IMMP2L: variants seen among roughly 807,000 people sequenced by gnomAD.
IMMP2L encodes mitochondrial inner membrane protease subunit 2.
IMMP2L carries 18 observed loss-of-function variants against 19.3 expected under a neutral mutation model. The observed-to-expected ratio is 0.93, with a 90% CI of 0.64 to 1.38. The LOEUF is 1.38. Ranked by LOEUF, IMMP2L falls within the 40% of genes most tolerant of loss-of-function variation. The pLI is 0.00. For synonymous variants in IMMP2L, 76 were observed against 73.0 expected, an observed-to-expected ratio of 1.04 and a Z score of -0.21; for missense variants, 233 against 218.2, an observed-to-expected ratio of 1.07 and a Z score of -0.43.
At chr7:110,875,650 T>G (rs1253221380) in intron 5 of IMMP2L, among the ~76,000 whole-genome samples, 1 of 152,000 alleles carries the variant, frequency 6.6e-6, no homozygotes, top group Admixed American at 6.6e-5. Flanking sequence ...GCAGACAGAG[T>G]TTAAAGCTTC....
intron 2 of IMMP2L, among the ~76,000 whole-genome samples, chr7:111,500,738 T>A (rs1844134261): frequency 6.6e-6 from 1 of 151,976 alleles, no homozygotes; most frequent in Admixed American, 6.6e-5. Context: ...TCTAGCAAAC[T>A]CCAACAGACC....
chr7:111,324,091 T>A (rs1439314306), intron 3 of IMMP2L, among the ~76,000 whole-genome samples: 4 of 152,158 alleles, frequency 2.6e-5, no homozygotes, highest in Admixed American at 6.6e-5. Flanking sequence ...TGTATACATA[T>A]GTAATTAACC....
intron 3 of IMMP2L, among the ~76,000 whole-genome samples, chr7:111,004,445 A>T (rs545789081): frequency 6.6e-6 from 1 of 152,282 alleles, no homozygotes; most frequent in Admixed American, 6.5e-5. Flanking sequence ...GATTAAAGGC[A>T]TGAAACAACA....
At chr7:111,180,906 T>A (rs1330106271) in intron 3 of IMMP2L, among the ~76,000 whole-genome samples, 1 of 151,994 alleles carries the variant, frequency 6.6e-6, no homozygotes, top group African/African-American at 2.4e-5. Flanking sequence ...TTAAAGTAAA[T>A]CTAGCAATAT....
In IMMP2L at chr7:111,213,970, T is replaced by C. The variant is rs1212626613; in HGVS notation, c.240-250405A>G. On this transcript the variant is annotated intron_variant, in intron 3 of 5. Transcript: ENST00000405709. This position sits in a 1 kb window ranked among gnomAD's most constrained non-coding sequence, Gnocchi z 4.8. ...AAGTCACATGAATAGTGAAGAGCTATAAGTATTCATACATTTCTAATGTAA... is the reference window on the plus strand; with the variant it reads ...AAGTCACATGAATAGTGAAGAGCTACAAGTATTCATACATTTCTAATGTAA... Among the ~76,000 whole-genome samples the C allele has an allele frequency of 6.6e-6, 1 of 152,338 alleles. No individual in the cohort carries two copies. Among genetic ancestry groups the C allele is most frequent in the Non-Finnish European group, 1.5e-5 (1 of 68,028 alleles).
chr7:110,840,803 TATATA>T (rs1805001624), intron 5 of IMMP2L, among the ~76,000 whole-genome samples: 1 of 152,144 alleles, frequency 6.6e-6, no homozygotes, highest in Non-Finnish European at 1.5e-5. Context: ...GTCTCTTTTC[TATATA>T]ATATTTGTTT....
At chr7:111,156,338 T>C (rs765955632) in intron 3 of IMMP2L, among the ~76,000 whole-genome samples, 65 of 152,130 alleles carry the variant, frequency 4.3e-4, no homozygotes, top group Admixed American at 3.3e-4. Context: ...TTCTAGTTGC[T>C]CCACATCTTC....
At chr7:110,696,879 G>A (rs753255154) in intron 5 of IMMP2L, among the ~76,000 whole-genome samples, 56 of 152,136 alleles carry the variant, frequency 3.7e-4, no homozygotes, top group Non-Finnish European at 1.3e-4. Flanking sequence ...GCACAGATGA[G>A]TTCCATTTGA....
At chr7:110,851,250 A>C (rs1806194954) in intron 5 of IMMP2L, among the ~76,000 whole-genome samples, 1 of 152,140 alleles carries the variant, frequency 6.6e-6, no homozygotes, top group Non-Finnish European at 1.5e-5. Flanking sequence ...AGGTACACAA[A>C]GATTTATATA....
intron 3 of IMMP2L, among the ~76,000 whole-genome samples, chr7:111,287,812 C>T (rs1365631820): frequency 6.6e-6 from 1 of 152,140 alleles, no homozygotes; most frequent in African/African-American, 2.4e-5. Flanking sequence ...AGCAGTTTCA[C>T]AGACAGGAGA....
chr7:111,327,297 TC>T (rs1299590090), intron 3 of IMMP2L, among the ~76,000 whole-genome samples: 1 of 151,742 alleles, frequency 6.6e-6, no homozygotes, highest in Non-Finnish European at 1.5e-5. Context: ...AGATAATAAT[TC>T]TTAAAATTCA....
intron 3 of IMMP2L, among the ~76,000 whole-genome samples, chr7:111,103,963 A>G (rs1798259535): frequency 6.6e-6 from 1 of 151,590 alleles, no homozygotes; most frequent in South Asian, 2.1e-4. Flanking sequence ...TTGTATTGGC[A>G]ATTCAAGAAA....
At chr7:110,957,440 C>T (rs527586304) in intron 4 of IMMP2L, among the ~76,000 whole-genome samples, 6 of 151,926 alleles carry the variant, frequency 3.9e-5, no homozygotes, top group African/African-American at 1.4e-4. Context: ...AAGAGAAAAA[C>T]ACTTTGACCA....
chr7:111,196,847 G>A (rs181971487), intron 3 of IMMP2L, among the ~76,000 whole-genome samples: 30 of 152,150 alleles, frequency 2.0e-4, no homozygotes, highest in Admixed American at 1.7e-3. Context: ...TTTTTGTAAC[G>A]TAAAAATATA....
At chr7:111,036,020 A>G (rs902493747) in intron 3 of IMMP2L, among the ~76,000 whole-genome samples, 2 of 152,208 alleles carry the variant, frequency 1.3e-5, no homozygotes, top group African/African-American at 4.8e-5. Context: ...AACAGAGCCT[A>G]GCACATAGGA....
intron 4 of IMMP2L, among the ~76,000 whole-genome samples, chr7:110,916,002 T>C (rs1171993070): frequency 6.6e-6 from 1 of 152,190 alleles, no homozygotes; most frequent in South Asian, 2.1e-4. Flanking sequence ...CCAATACTTT[T>C]CTAACTCTGC....
chr7:111,249,487 G>A (rs947716311), intron 3 of IMMP2L, among the ~76,000 whole-genome samples: 8 of 151,544 alleles, frequency 5.3e-5, no homozygotes, highest in South Asian at 2.1e-4. Flanking sequence ...CTTCTGCGTC[G>A]CTCACGCTGG....
chr7:110,850,590 G>A (rs1365676598), intron 5 of IMMP2L, among the ~76,000 whole-genome samples: 2 of 151,890 alleles, frequency 1.3e-5, no homozygotes, highest in African/African-American at 2.4e-5. Context: ...TAATACCACT[G>A]GCTCGCCCTC....
chr7:110,818,965 T>TG lies in IMMP2L; in HGVS notation c.408+67627dup, dbSNP rs1290646679. Reference sequence around the variant, plus strand: ...TCACACTCTGGGGACTGTTGTTGGGTGGGGGGCGGGGGGAGGGATAGCATT... The same window carrying TG: ...TCACACTCTGGGGACTGTTGTTGGGTGGGGGGGCGGGGGGAGGGATAGCATT... On this transcript the variant is annotated intron_variant, in intron 5 of 5. Transcript: ENST00000405709. 5.9e-3 allele frequency among the ~76,000 whole-genome samples: 463 copies of TG among 78,064 alleles called. 1 individual carries two copies. The highest frequency in any genetic ancestry group is 0.023 in the African/African-American group (437 of 19,200). The allele number at this position is 78,064 out of a possible 152,430, so 51.2% of individuals were successfully genotyped here.
Sources: gnomAD v4.1 joint callset for allele counts (sites outside exome capture counted in the v4.1 genomes callset) on GRCh38, gnomAD v4.1.1 for gene constraint, Gnocchi (gnomAD v3.1) non-coding constraint, MANE v1.5 for transcripts, NCBI Gene and HGNC (gene_info 2026-07-23, HGNC 2026-07-21) for gene names.